Variants in SINHCAF observed in about 807,000 individuals in gnomAD.
The protein encoded by SINHCAF is SIN3-HDAC complex associated factor.
In SINHCAF, 3 loss-of-function variants were observed where a neutral mutation model predicts 25.8. That is an observed-to-expected ratio of 0.12 (90% CI 0.05 to 0.30). The LOEUF is 0.30. Ranked by LOEUF, SINHCAF falls within the 10% of genes least tolerant of loss-of-function variation. SINHCAF has a pLI of 1.00. For synonymous variants in SINHCAF, 70 were observed against 85.5 expected, an observed-to-expected ratio of 0.82 and a Z score of 1.00; for missense variants, 121 against 262.3, an observed-to-expected ratio of 0.46 and a Z score of 3.72.
At chr12:31,296,182 G>A (rs1938541978) in intron 2 of SINHCAF, among the ~76,000 whole-genome samples, 1 of 151,798 alleles carries the variant, frequency 6.6e-6, no homozygotes, top group Non-Finnish European at 1.5e-5. Context: ...GGGGCGTGGG[G>A]GTGAACAGGA....
Position 31,311,346 on chromosome 12 carries a change from C to G in SINHCAF, c.-20-13122G>C, listed in dbSNP as rs188944034. On this transcript the variant is annotated intron_variant, in intron 1 of 5. Transcript: ENST00000337682. ...CCTTAGCTTAAGCAGCTGAAACCAG[C>G]ATGTAGACAAGCCGATAAATGTCAG... 2.7e-3 allele frequency among the ~76,000 whole-genome samples: 411 copies of G among 152,252 alleles called. 2 individuals are homozygous for G. The highest frequency in any genetic ancestry group is 9.3e-3 in the African/African-American group (385 of 41,558).
At position 31,281,273 on chromosome 12, in the gene SINHCAF, G is replaced by A. The variant is rs1205291101; in HGVS notation, c.*1439C>T. On this transcript the variant is annotated 3_prime_UTR_variant, in exon 6 of 6. Transcript: ENST00000337682. ...GGCTTTTCATGAAAATCTTAGGATT[G>A]AAGAGCTCTAAGTTCAGGATATCTC... 1 of 152,178 alleles carries A rather than the reference G, an allele frequency of 6.6e-6. No homozygotes were observed. The highest frequency in any genetic ancestry group is 1.5e-5 in the Non-Finnish European group (1 of 68,028). 9.4% of individuals were successfully genotyped at this position (152,178 alleles called of 1,614,324 possible).
At chr12:31,317,912 A>G (rs2137133655) in intron 1 of SINHCAF, among the ~76,000 whole-genome samples, 1 of 152,306 alleles carries the variant, frequency 6.6e-6, no homozygotes, top group East Asian at 1.9e-4. Context: ...ACCAAAGACA[A>G]CTTTGAAGTG....
chr12:31,308,470 A>G (rs1423742322), intron 1 of SINHCAF, among the ~76,000 whole-genome samples: 2 of 152,206 alleles, frequency 1.3e-5, no homozygotes. Context: ...TTGATGCTCA[A>G]TCCTTTGGCT....
intron 1 of SINHCAF, among the ~76,000 whole-genome samples, chr12:31,300,040 G>T (rs992321397): frequency 6.6e-6 from 1 of 152,126 alleles, no homozygotes; most frequent in East Asian, 1.9e-4. Context: ...TGACCGAAAC[G>T]TCCTTGTGTG....
At position 31,325,933 on chromosome 12, in the gene SINHCAF, G is replaced by A. The variant is rs1939959054; in HGVS notation, c.-21+91C>T. The A allele has an allele frequency of 6.6e-6, 1 of 151,984 alleles. No individual in the cohort carries two copies. Among genetic ancestry groups the A allele is most frequent in the African/African-American group, 2.4e-5 (1 of 41,326 alleles). The allele number at this position is 151,984 out of a possible 1,614,324, so 9.4% of individuals were successfully genotyped here. A position where few individuals can be genotyped will look rare whatever the true frequency, so the allele number is the denominator to read the frequency against. ...TGTGTATGTGGAAGGACGGGGGGAGGTGGGTGGAGGTGAAAAGAGAAAAAA... is the reference window on the plus strand; with the variant it reads ...TGTGTATGTGGAAGGACGGGGGGAGATGGGTGGAGGTGAAAAGAGAAAAAA... On this transcript the variant is annotated intron_variant, in intron 1 of 5. Transcript: ENST00000337682. This position sits in a 1 kb window ranked among gnomAD's most constrained non-coding sequence, Gnocchi z 5.9.
intron 4 of SINHCAF, among the ~76,000 whole-genome samples, chr12:31,293,238 C>G (rs1222612347): frequency 6.6e-6 from 1 of 152,094 alleles, no homozygotes; most frequent in Admixed American, 6.6e-5. Flanking sequence ...TTCCAAAATA[C>G]AGATGTGCCA....
chr12:31,314,746 T>C (rs1939433096), intron 1 of SINHCAF, among the ~76,000 whole-genome samples: 1 of 152,200 alleles, frequency 6.6e-6, no homozygotes, highest in African/African-American at 2.4e-5. Flanking sequence ...CCCATTCTGG[T>C]TGCTTAATTT....
At chr12:31,288,533 C>G (rs746131004) in intron 4 of SINHCAF, among the ~76,000 whole-genome samples, 1 of 152,174 alleles carries the variant, frequency 6.6e-6, no homozygotes, top group Non-Finnish European at 1.5e-5. Flanking sequence ...AGCCTGAACT[C>G]TCTCCTGACA....
intron 4 of SINHCAF, among the ~76,000 whole-genome samples, chr12:31,288,247 C>T (rs371756026): frequency 2.0e-5 from 3 of 152,216 alleles, no homozygotes; most frequent in African/African-American, 7.2e-5. Flanking sequence ...CCAATTAAAA[C>T]CTGATCTCTC....
At chr12:31,295,173 A>G in intron 3 of SINHCAF, 61 bp downstream of exon 3, 1 of 1,015,954 alleles carries the variant, frequency 9.8e-7, no homozygotes, top group Admixed American at 2.4e-5. Context: ...AATTAGGGGG[A>G]AATTAATGTT....
intron 1 of SINHCAF, among the ~76,000 whole-genome samples, chr12:31,314,527 A>G (rs1361365938): frequency 6.6e-6 from 1 of 151,402 alleles, no homozygotes; most frequent in East Asian, 1.9e-4. Context: ...CTCCGTCTCA[A>G]AAAAAAAAGA....
intron 1 of SINHCAF, among the ~76,000 whole-genome samples, chr12:31,309,957 G>A (rs1055953290): frequency 3.9e-5 from 6 of 152,014 alleles, no homozygotes; most frequent in African/African-American, 1.4e-4. Context: ...GTGAGCCACC[G>A]TGCCCGGCCA....
intron 1 of SINHCAF, among the ~76,000 whole-genome samples, chr12:31,299,711 T>G (rs1267849408): frequency 6.6e-6 from 1 of 152,202 alleles, no homozygotes; most frequent in East Asian, 1.9e-4. Context: ...TAAACTTAGA[T>G]GAGTAAACCT....
At chr12:31,323,856 C>A (rs1344474211) in intron 1 of SINHCAF, 5 of 436,884 alleles carry the variant, frequency 1.1e-5, no homozygotes, top group Non-Finnish European at 2.3e-5. Flanking sequence ...CACAGCTCGG[C>A]TGGGGAGGAG....
intron 2 of SINHCAF, among the ~76,000 whole-genome samples, chr12:31,297,464 G>A (rs894091155): frequency 3.6e-5 from 5 of 139,854 alleles, no homozygotes; most frequent in Admixed American, 1.4e-4. Context: ...CCGGTCAAGC[G>A]TAATTTTTTT....
intron 4 of SINHCAF, among the ~76,000 whole-genome samples, chr12:31,291,737 T>C (rs574850326): frequency 3.3e-4 from 50 of 150,628 alleles, no homozygotes; most frequent in African/African-American, 1.1e-3. Context: ...TGCACTGCAC[T>C]CCAGCCTGGT....
chr12:31,310,623 G>A (rs973962665), intron 1 of SINHCAF, among the ~76,000 whole-genome samples: 44 of 152,130 alleles, frequency 2.9e-4, no homozygotes, highest in Admixed American at 2.7e-3. Flanking sequence ...AGGACAACTG[G>A]TCAGCCAGTT....
intron 1 of SINHCAF, among the ~76,000 whole-genome samples, chr12:31,312,557 C>G (rs988292617): frequency 6.6e-6 from 1 of 152,180 alleles, no homozygotes; most frequent in Non-Finnish European, 1.5e-5. Flanking sequence ...TTTGTTATTT[C>G]AGTGGTATCT....
Sources: gnomAD v4.1 joint callset for allele counts (sites outside exome capture counted in the v4.1 genomes callset) on GRCh38, gnomAD v4.1.1 for gene constraint, Gnocchi (gnomAD v3.1) non-coding constraint, MANE v1.5 for transcripts, NCBI Gene and HGNC (gene_info 2026-07-23, HGNC 2026-07-21) for gene names.